Variants in GPR78 observed in about 807,000 individuals in gnomAD.
GPR78 encodes the protein G protein-coupled receptor 78.
GPR78 carries 29 observed loss-of-function variants against 17.9 expected under a neutral mutation model. The observed-to-expected ratio is 1.62, with a 90% CI of 1.20 to 2.21. GPR78 has a LOEUF of 2.21. Among genes scored for constraint, GPR78 ranks in the 30% most tolerant of loss-of-function variants. GPR78 has a pLI of 0.00. For missense variants in GPR78, 649 were observed against 530.5 expected, an observed-to-expected ratio of 1.22 and a Z score of -2.19; for synonymous variants, 349 against 256.9, an observed-to-expected ratio of 1.36 and a Z score of -3.43.
intron 2 of GPR78, 43 bp from the exon 3 acceptor site, chr4:8,587,011 T>C: frequency 6.4e-7 from 1 of 1,552,178 alleles, no homozygotes; most frequent in Non-Finnish European, 8.8e-7. Flanking sequence ...GCGTGGCAGG[T>C]GCTGTCACTG....
intron 2 of GPR78, among the ~76,000 whole-genome samples, chr4:8,586,614 G>A (rs1013642529): frequency 8.5e-5 from 13 of 152,376 alleles, no homozygotes; most frequent in African/African-American, 2.9e-4. Flanking sequence ...AAATGCCAGA[G>A]GAGAGTCTGG....
At chr4:8,583,790 C>G (rs28625495) in intron 2 of GPR78, among the ~76,000 whole-genome samples, 1 of 152,226 alleles carries the variant, frequency 6.6e-6, no homozygotes, top group Middle Eastern at 3.4e-3. Context: ...CTGCCAGGTT[C>G]CCTCTGAGCT....
chr4:8,587,224 G>T lies in GPR78; in HGVS notation c.953G>T (p.Arg318Leu), dbSNP rs113328127. ...MVHRLLKRTP[R>L]PASTHDSSLD... is the part of the protein sequence containing the mutation. ...CACCGGCTGCTGAAGAGAACCCCGCGCCCAGCATCCACCCATGACAGCTCT... is the reference window on the plus strand; with the variant it reads ...CACCGGCTGCTGAAGAGAACCCCGCTCCCAGCATCCACCCATGACAGCTCT... Residue 318 changes from arginine to leucine, a missense_variant, in exon 3 of 3, where the codon CGC (arginine) becomes CTC (leucine). Transcript: ENST00000382487. The T allele has an allele frequency of 5.0e-6, 8 of 1,606,526 alleles. No homozygotes were observed. In the Admixed American group the frequency reaches 1.2e-4, roughly 24 times the overall value.
chr4:8,581,337 C>A lies in GPR78; in HGVS notation c.355C>A (p.Arg119=), dbSNP rs1336698406. The A allele has an allele frequency of 1.0e-5, 16 of 1,576,126 alleles. No individual in the cohort carries two copies. The highest frequency in any genetic ancestry group is 1.4e-5 in the Non-Finnish European group (16 of 1,167,320). The change falls in exon 1 of 3, where the codon CGA becomes AGA. Residue 119 remains arginine (R), a synonymous_variant. Transcript: ENST00000382487. ...CCCACTGCGCTACGCCGGACGCCTG[C>A]GACCGCGCTATGCCGGCCTGCTGCT... is the stretch of plus-strand genomic sequence containing the variant. ...GFPLRYAGRL[R]PRYAGLLLGC...
At chr4:8,585,439 C>T (rs538789814) in intron 2 of GPR78, among the ~76,000 whole-genome samples, 1 of 152,254 alleles carries the variant, frequency 6.6e-6, no homozygotes, top group Admixed American at 6.5e-5. Context: ...AAAGAAATGC[C>T]AGCCTCCTCA....
At chr4:8,582,772 A>G in intron 2 of GPR78, 128 bp downstream of exon 2, 1 of 680,130 alleles carries the variant, frequency 1.5e-6, no homozygotes, top group Non-Finnish European at 2.7e-6. Flanking sequence ...CCTCCTCCAC[A>G]CCTGACGGGC....
rs923306168 is a variant in GPR78 at position 8,580,823 on chromosome 4, C to G, written c.-160C>G. ...CCGGGTGCCCCGGACCCTGCACTTG[C>G]CGCCGCTTTCCTCGCGCTGCTCTGG... On this transcript the variant is annotated 5_prime_UTR_variant, in exon 1 of 3. Coordinates refer to ENST00000382487, the MANE Select transcript of GPR78 (RefSeq NM_080819.5). The G allele has an allele frequency of 1.9e-5, 14 of 734,220 alleles. No homozygotes were observed. Among genetic ancestry groups the G allele is most frequent in the Middle Eastern group, 3.9e-4 (1 of 2,548 alleles). 45.5% of individuals were successfully genotyped at this position (734,220 alleles called of 1,614,324 possible).
Position 8,581,505 on chromosome 4 carries a change from AC to A in GPR78, c.524del (p.Thr175SerfsTer37). On this transcript the variant is annotated frameshift_variant, in exon 1 of 3. Coordinates refer to ENST00000382487, the MANE Select transcript of GPR78 (RefSeq NM_080819.5). LOFTEE classifies it high-confidence loss of function. Reference sequence around the variant, plus strand: ...TCCGCGCTTCGCAGCCTTCACCGCCACGCTCCATGCCGTGGGCTTCGTGCTG... The same window carrying A: ...TCCGCGCTTCGCAGCCTTCACCGCCAGCTCCATGCCGTGGGCTTCGTGCTG... ...ERPRFAAFTA[T>X]LHAVGFVLPL... 1 of 1,591,808 alleles carries A rather than the reference AC, an allele frequency of 6.3e-7. No homozygotes were observed. Among genetic ancestry groups the A allele is most frequent in the Middle Eastern group, 1.7e-4 (1 of 5,800 alleles).
In GPR78 at chr4:8,581,210, C is replaced by A; in HGVS notation, c.228C>A (p.Pro76=). 2 of 1,598,884 alleles carry A rather than the reference C, an allele frequency of 1.3e-6. No homozygotes were observed. The highest frequency in any genetic ancestry group is 1.1e-5 in the South Asian group (1 of 90,112). ...TGCGCGGGCGGACACCGTCGGCGCCCGGCGCATGCCAAGTCATTGGCTTCC... is the reference window on the plus strand; with the variant it reads ...TGCGCGGGCGGACACCGTCGGCGCCAGGCGCATGCCAAGTCATTGGCTTCC... ...GVMRGRTPSA[P]GACQVIGFLD... is the part of the protein sequence containing the mutation. Residue 76 remains proline (P), a synonymous_variant, in exon 1 of 3, where the codon CCC becomes CCA. Coordinates refer to ENST00000382487, the MANE Select transcript of GPR78 (RefSeq NM_080819.5).
chr4:8,580,478 TC>T lies in GPR78; in HGVS notation c.-504del, dbSNP rs1713224033. On this transcript the variant is annotated 5_prime_UTR_variant, in exon 1 of 3. Transcript: ENST00000382487. Reference sequence around the variant, plus strand: ...TGCTGCCTAGGATCCACTGAGTGGCTCTTGCTGGCGTGTCAGCTGCGCGCGA... The same window carrying T: ...TGCTGCCTAGGATCCACTGAGTGGCTTTGCTGGCGTGTCAGCTGCGCGCGA... 1 of 156,266 alleles carries T rather than the reference TC, an allele frequency of 6.4e-6. No homozygotes were observed. The allele number at this position is 156,266 out of a possible 1,614,324, so 9.7% of individuals were successfully genotyped here. A position where few individuals can be genotyped will look rare whatever the true frequency, so the allele number is the denominator to read the frequency against.
At chr4:8,583,552 A>G (rs896606360) in intron 2 of GPR78, among the ~76,000 whole-genome samples, 3 of 152,178 alleles carry the variant, frequency 2.0e-5, no homozygotes, top group African/African-American at 4.8e-5. Flanking sequence ...GGAGGGAGCC[A>G]GCAGGGAGTA....
At chr4:8,584,076 T>C (rs897805236) in intron 2 of GPR78, among the ~76,000 whole-genome samples, 2 of 152,182 alleles carry the variant, frequency 1.3e-5, no homozygotes, top group African/African-American at 4.8e-5. Context: ...GTTGTGAGGG[T>C]TCATGTGTAT....
chr4:8,585,637 T>C (rs1429980695), intron 2 of GPR78, among the ~76,000 whole-genome samples: 1 of 151,992 alleles, frequency 6.6e-6, no homozygotes, highest in Non-Finnish European at 1.5e-5. Context: ...CAGCCTGGGG[T>C]AGGTGGTTAG....
intron 2 of GPR78, among the ~76,000 whole-genome samples, chr4:8,585,575 C>T (rs185230308): frequency 5.3e-5 from 8 of 152,224 alleles, no homozygotes; most frequent in South Asian, 2.1e-4. Context: ...ATGTGCTGGC[C>T]GGTGGCAAAG....
Position 8,589,964 on chromosome 4 carries a change from G to A in GPR78, c.*2601G>A, listed in dbSNP as rs144298055. Among the ~76,000 whole-genome samples, 1 of 145,092 alleles carries A rather than the reference G, an allele frequency of 6.9e-6. No homozygotes were observed. Among genetic ancestry groups the A allele is most frequent in the South Asian group, 2.1e-4 (1 of 4,670 alleles). ...AAATATTTTTCATGTGCACTTAAAC[G>A]TGTTGTGGAATGATGCTGGGTCTCA... is the stretch of plus-strand genomic sequence containing the variant. On this transcript the variant is annotated 3_prime_UTR_variant, in exon 3 of 3. Coordinates refer to ENST00000382487, the MANE Select transcript of GPR78 (RefSeq NM_080819.5).
chr4:8,586,826 G>C (rs1037212690), intron 2 of GPR78, among the ~76,000 whole-genome samples: 6 of 152,200 alleles, frequency 3.9e-5, no homozygotes, highest in African/African-American at 1.4e-4. Context: ...CCTGCTGTGT[G>C]GTATGCGGGC....
At chr4:8,585,012 C>T (rs7696507) in intron 2 of GPR78, among the ~76,000 whole-genome samples, 114,603 of 152,208 alleles carry the variant, frequency 0.75, 44,090 homozygotes, top group African/African-American at 0.91. Context: ...GCGGATAAAG[C>T]AGGTAAAGGA....
In GPR78 at chr4:8,581,596, G is replaced by A. The variant is rs765727560; in HGVS notation, c.614G>A (p.Arg205His). The change falls in exon 1 of 3, where the codon CGC becomes CAC. Residue 205 changes from arginine to histidine, a missense_variant. Coordinates refer to ENST00000382487, the MANE Select transcript of GPR78 (RefSeq NM_080819.5). ...CGGGTGGCACGCAGACACTGCCAGCGCATGGACACCGTCACCATGAAGGCG... is the reference window on the plus strand; with the variant it reads ...CGGGTGGCACGCAGACACTGCCAGCACATGGACACCGTCACCATGAAGGCG... ...VHRVARRHCQ[R>H]MDTVTMKALA... 8 of 1,550,934 alleles carry A rather than the reference G, an allele frequency of 5.2e-6. No individual in the cohort carries two copies. The highest frequency in any genetic ancestry group is 6.9e-6 in the Non-Finnish European group (8 of 1,155,294).
rs1713589020 is a variant in GPR78, at chr4:8,588,122, A to G, written c.*759A>G. 6.6e-6 allele frequency among the ~76,000 whole-genome samples: 1 copy of G among 152,226 alleles called. No individual in the cohort carries two copies. Among genetic ancestry groups the G allele is most frequent in the Non-Finnish European group, 1.5e-5 (1 of 68,040 alleles). Reference sequence around the variant, plus strand: ...CAGAGCCTTTTCTGGTGAAGATATCATCAGAGCATGTGACCTCTGTTTCCT... The same window carrying G: ...CAGAGCCTTTTCTGGTGAAGATATCGTCAGAGCATGTGACCTCTGTTTCCT... On this transcript the variant is annotated 3_prime_UTR_variant, in exon 3 of 3. Transcript: ENST00000382487.
Sources: gnomAD v4.1 joint callset for allele counts (sites outside exome capture counted in the v4.1 genomes callset) on GRCh38, gnomAD v4.1.1 for gene constraint, MANE v1.5 for transcripts, NCBI Gene and HGNC (gene_info 2026-07-23, HGNC 2026-07-21) for gene names.